NAALADL2: variants seen among roughly 807,000 people sequenced by gnomAD.
The protein encoded by NAALADL2 is inactive N-acetylated-alpha-linked acidic dipeptidase-like protein 2.
In NAALADL2, 76 loss-of-function variants were observed where a neutral mutation model predicts 87.2. That is an observed-to-expected ratio of 0.87 (90% CI 0.72 to 1.05). NAALADL2 has a LOEUF of 1.05. Among genes scored for constraint, NAALADL2 ranks in the 50% least tolerant of loss-of-function variants. The pLI is 0.00. For missense variants in NAALADL2, 1,089 were observed against 945.8 expected, an observed-to-expected ratio of 1.15 and a Z score of -1.99; for synonymous variants, 354 against 331.0, an observed-to-expected ratio of 1.07 and a Z score of -0.75.
chr3:174,981,543 A>G (rs1442886837), intron 1 of NAALADL2, among the ~76,000 whole-genome samples: 2 of 152,220 alleles, frequency 1.3e-5, no homozygotes, highest in Non-Finnish European at 2.9e-5. Flanking sequence ...ATTTTGCAGA[A>G]GTGTTCATAT....
intron 5 of NAALADL2, among the ~76,000 whole-genome samples, chr3:175,352,924 T>C (rs1294498085): frequency 6.6e-6 from 1 of 152,098 alleles, no homozygotes; most frequent in African/African-American, 2.4e-5. Context: ...CTGCCACTTA[T>C]ACCTAGCCTG....
chr3:175,712,936 C>T (rs545482215), intron 11 of NAALADL2, among the ~76,000 whole-genome samples: 1 of 152,000 alleles, frequency 6.6e-6, no homozygotes, highest in Non-Finnish European at 1.5e-5. Context: ...GGTTAGATTG[C>T]TTTTGCAGCA....
intron 1 of NAALADL2, among the ~76,000 whole-genome samples, chr3:174,928,299 A>G (rs1017845510): frequency 1.3e-5 from 2 of 152,124 alleles, no homozygotes; most frequent in African/African-American, 4.8e-5. Context: ...CTGGAATGCA[A>G]TGCGATCTCG....
At chr3:175,185,837 A>ACTTGTTTTTT (rs1163233966) in intron 2 of NAALADL2, among the ~76,000 whole-genome samples, 12 of 151,658 alleles carry the variant, frequency 7.9e-5, no homozygotes, top group African/African-American at 2.9e-4. Flanking sequence ...TAGCCAAAAA[A>ACTTGTTTTTT]CAAGCCCTCA....
At chr3:175,590,756 A>G (rs1359946511) in intron 10 of NAALADL2, among the ~76,000 whole-genome samples, 1 of 152,184 alleles carries the variant, frequency 6.6e-6, no homozygotes, top group Non-Finnish European at 1.5e-5. Flanking sequence ...CCCTTCAACA[A>G]AGTCATAGAA....
intron 9 of NAALADL2, among the ~76,000 whole-genome samples, chr3:175,483,678 G>C (rs921375290): frequency 2.0e-5 from 3 of 152,040 alleles, no homozygotes; most frequent in African/African-American, 7.2e-5. Flanking sequence ...TAAAAGCAAT[G>C]GGCTACTGGT....
intron 2 of NAALADL2, among the ~76,000 whole-genome samples, chr3:175,120,370 T>G (rs1242863598): frequency 6.6e-6 from 1 of 151,780 alleles, no homozygotes; most frequent in Non-Finnish European, 1.5e-5. Context: ...GGTATGGATT[T>G]CTAAATAGTG....
At chr3:174,606,440 T>C (rs1266965675) in intron 2 of NAALADL2, among the ~76,000 whole-genome samples, 2 of 152,086 alleles carry the variant, frequency 1.3e-5, no homozygotes, top group Non-Finnish European at 2.9e-5. Flanking sequence ...TAGACGAATG[T>C]ATAACTAGAA....
At chr3:174,490,316 T>G (rs1481194254) in intron 1 of NAALADL2, among the ~76,000 whole-genome samples, 4 of 152,084 alleles carry the variant, frequency 2.6e-5, no homozygotes. Flanking sequence ...TTACATGTTG[T>G]GTGATTTCCA....
At position 175,598,515 on chromosome 3, in the gene NAALADL2, C is replaced by T. The variant is rs912122629; in HGVS notation, c.1800+22328C>T. On this transcript the variant is annotated intron_variant, in intron 10 of 13. Coordinates refer to ENST00000454872, the MANE Select transcript of NAALADL2 (RefSeq NM_207015.3). ...CCTTTCCCCTTGTTTCATATAATAACCAGAGCTCTGCTATTTAGGTAAAGA... is the reference window on the plus strand; with the variant it reads ...CCTTTCCCCTTGTTTCATATAATAATCAGAGCTCTGCTATTTAGGTAAAGA... Among the ~76,000 whole-genome samples, 4 of 151,920 alleles carry T rather than the reference C, an allele frequency of 2.6e-5. 1 individual carries two copies. The highest frequency in any genetic ancestry group is 1.3e-4 in the Admixed American group (2 of 15,232).
intron 2 of NAALADL2, among the ~76,000 whole-genome samples, chr3:174,679,905 T>A (rs1207512233): frequency 3.3e-5 from 5 of 152,320 alleles, no homozygotes; most frequent in African/African-American, 1.2e-4. Flanking sequence ...TGTTGAAATA[T>A]GTACTTACAA....
intron 3 of NAALADL2, among the ~76,000 whole-genome samples, chr3:174,800,592 C>T (rs762527638): frequency 3.9e-4 from 59 of 152,194 alleles, no homozygotes; most frequent in South Asian, 8.3e-4. Flanking sequence ...AGCCCCTCCC[C>T]CCCAACAGAG....
chr3:175,678,618 G>A (rs146468414), intron 11 of NAALADL2, among the ~76,000 whole-genome samples: 3 of 152,042 alleles, frequency 2.0e-5, no homozygotes, highest in East Asian at 3.9e-4. Context: ...GCAAACTATC[G>A]CAAGGACAGA....
intron 13 of NAALADL2, among the ~76,000 whole-genome samples, chr3:175,787,386 C>T (rs369739632): frequency 6.5e-4 from 99 of 152,144 alleles, no homozygotes; most frequent in Non-Finnish European, 1.1e-3. Context: ...TAGGACCCTC[C>T]GAGCCAGGTG....
chr3:175,287,744 C>A (rs1016268148), intron 4 of NAALADL2, among the ~76,000 whole-genome samples: 3 of 152,146 alleles, frequency 2.0e-5, no homozygotes, highest in Admixed American at 6.5e-5. Context: ...ATGACAGATT[C>A]ATGAGAAATG....
intron 1 of NAALADL2, among the ~76,000 whole-genome samples, chr3:175,016,943 A>G (rs774977884): frequency 2.0e-5 from 3 of 151,976 alleles, no homozygotes; most frequent in Non-Finnish European, 4.4e-5. Context: ...TCTACTAGCT[A>G]TTTTGAAATG....
At chr3:175,412,851 T>A (rs1268009252) in intron 5 of NAALADL2, among the ~76,000 whole-genome samples, 1 of 149,666 alleles carries the variant, frequency 6.7e-6, no homozygotes, top group African/African-American at 2.4e-5. Context: ...GTCAGACTAA[T>A]TTCTGGTATA....
chr3:175,149,569 A>C (rs1731245677), intron 2 of NAALADL2, among the ~76,000 whole-genome samples: 1 of 151,858 alleles, frequency 6.6e-6, no homozygotes, highest in Non-Finnish European at 1.5e-5. Flanking sequence ...TATTTATACA[A>C]AACCCTTTGG....
intron 12 of NAALADL2, among the ~76,000 whole-genome samples, chr3:175,749,833 C>T (rs1440775378): frequency 6.6e-5 from 10 of 152,096 alleles, no homozygotes; most frequent in African/African-American, 1.7e-4. Context: ...CTGTAGTTAA[C>T]GGCCTTACGC....
Sources: gnomAD v4.1 joint callset for allele counts (sites outside exome capture counted in the v4.1 genomes callset) on GRCh38, gnomAD v4.1.1 for gene constraint, MANE v1.5 for transcripts, NCBI Gene and HGNC (gene_info 2026-07-23, HGNC 2026-07-21) for gene names.